PTGFR: variants seen among roughly 807,000 people sequenced by gnomAD.
PTGFR encodes the protein prostaglandin F2-alpha receptor.
In PTGFR, 15 loss-of-function variants were observed where a neutral mutation model predicts 26.2. The ratio of observed to expected loss-of-function variants is 0.57; its 90% confidence interval spans 0.38 to 0.88. The LOEUF is 0.88. Ranked by LOEUF, PTGFR falls within the 40% of genes least tolerant of loss-of-function variation. The probability of loss-of-function intolerance (pLI) is 0.00; values close to 1 mark genes in which losing one functional copy is unlikely to be tolerated. For missense variants in PTGFR, 369 were observed against 427.2 expected, an observed-to-expected ratio of 0.86 and a Z score of 1.20; for synonymous variants, 165 against 151.1, an observed-to-expected ratio of 1.09 and a Z score of -0.68.
chr1:78,530,531 A>G (rs1326588863), intron 2 of PTGFR, among the ~76,000 whole-genome samples: 1 of 152,076 alleles, frequency 6.6e-6, no homozygotes, highest in East Asian at 1.9e-4. Context: ...CTAACACACA[A>G]ATCCTTAGTC....
At chr1:78,520,183 G>A (rs1167247921) in intron 2 of PTGFR, among the ~76,000 whole-genome samples, 1 of 151,964 alleles carries the variant, frequency 6.6e-6, no homozygotes, top group Non-Finnish European at 1.5e-5. Context: ...TCTTTCACTG[G>A]TTAAACAACC....
chr1:78,491,784 G>A lies in PTGFR; in HGVS notation c.-73+548G>A, dbSNP rs143880975. ...GCTGGGCGCAGGAAAGGCTGGCTCC[G>A]GAATTCCCAGCCTCCGGGAAAGCTA... On this transcript the variant is annotated intron_variant, in intron 1 of 2. Transcript: ENST00000370757. Among the ~76,000 whole-genome samples the A allele has an allele frequency of 1.2e-3, 177 of 152,324 alleles. No individual in the cohort carries two copies. The East Asian group carries it at 0.023, about 20-fold the overall frequency.
intron 2 of PTGFR, among the ~76,000 whole-genome samples, chr1:78,512,022 C>G (rs1649983078): frequency 6.6e-6 from 1 of 152,192 alleles, no homozygotes; most frequent in Admixed American, 6.5e-5. Flanking sequence ...ACTCCAATTC[C>G]TAATAACCTC....
At chr1:78,516,864 G>A (rs1231427532) in intron 2 of PTGFR, among the ~76,000 whole-genome samples, 1 of 152,116 alleles carries the variant, frequency 6.6e-6, no homozygotes, top group African/African-American at 2.4e-5. Flanking sequence ...CAGTCATCAG[G>A]CTTTGATTAA....
At chr1:78,525,629 C>T (rs1650352657) in intron 2 of PTGFR, among the ~76,000 whole-genome samples, 1 of 152,028 alleles carries the variant, frequency 6.6e-6, no homozygotes, top group African/African-American at 2.4e-5. Context: ...TGATTGAACT[C>T]AGTCTCTAGA....
chr1:78,534,842 G>C (rs1402499325), intron 2 of PTGFR, among the ~76,000 whole-genome samples: 1 of 152,018 alleles, frequency 6.6e-6, no homozygotes, highest in Non-Finnish European at 1.5e-5. Context: ...TGGATACTTA[G>C]GTGGTCCTGA....
In PTGFR at chr1:78,536,626, A is replaced by G. The variant is rs757866516; in HGVS notation, c.1019A>G (p.Asn340Ser). 1.9e-6 allele frequency: 3 copies of G among 1,613,142 alleles called. No homozygotes were observed. Among genetic ancestry groups the G allele is most frequent in the East Asian group, 4.5e-5 (2 of 44,798 alleles). ...LHIWELSSIK[N>S]SLKVAAISES... ...ATTTGGGAGCTTAGTTCCATTAAAA[A>G]TTCCTTAAAGGTTGCTGCTATTTCT... Residue 340 changes from asparagine to serine, a missense_variant, in exon 3 of 3, where the codon AAT becomes AGT. Physicochemically the swap from Asn to Ser is conservative, Grantham distance 46 (BLOSUM62 1). Transcript: ENST00000370757.
At chr1:78,528,200 T>C (rs1217647812) in intron 2 of PTGFR, among the ~76,000 whole-genome samples, 1 of 148,490 alleles carries the variant, frequency 6.7e-6, no homozygotes, top group African/African-American at 2.5e-5. Flanking sequence ...ATACATTGAC[T>C]TATAACTAAG....
At chr1:78,512,887 C>T (rs772011880) in intron 2 of PTGFR, among the ~76,000 whole-genome samples, 2 of 152,022 alleles carry the variant, frequency 1.3e-5, no homozygotes, top group Non-Finnish European at 2.9e-5. Context: ...AGTGTGGGAC[C>T]TCCCCCTTCT....
Position 78,498,519 on chromosome 1 carries a change from T to C in PTGFR, c.798+4978T>C, listed in dbSNP as rs1649614120. Among the ~76,000 whole-genome samples, 10 of 152,266 alleles carry C rather than the reference T, an allele frequency of 6.6e-5. No individual in the cohort carries two copies. In the South Asian group the frequency reaches 2.1e-3, roughly 32 times the overall value. On this transcript the variant is annotated intron_variant, in intron 2 of 2. Transcript: ENST00000370757. Reference sequence around the variant, plus strand: ...TGCAAATACACACATAAATGTTAAATTATTTCCCAAATTTAAAAAATTAAC... The same window carrying C: ...TGCAAATACACACATAAATGTTAAACTATTTCCCAAATTTAAAAAATTAAC...
At chr1:78,507,118 C>G (rs994587599) in intron 2 of PTGFR, among the ~76,000 whole-genome samples, 14 of 152,142 alleles carry the variant, frequency 9.2e-5, no homozygotes, top group African/African-American at 3.4e-4. Flanking sequence ...GGAGCTTCCC[C>G]TCTCTGGCTC....
At chr1:78,529,197 C>T (rs1214483174) in intron 2 of PTGFR, among the ~76,000 whole-genome samples, 2 of 152,138 alleles carry the variant, frequency 1.3e-5, no homozygotes, top group Admixed American at 1.3e-4. Flanking sequence ...TTTACTGAAA[C>T]GCCTAACTGG....
intron 2 of PTGFR, among the ~76,000 whole-genome samples, chr1:78,501,515 C>T (rs1570273216): frequency 6.6e-6 from 1 of 152,168 alleles, no homozygotes; most frequent in African/African-American, 2.4e-5. Context: ...AGAGTGAATA[C>T]AATTGTGGTT....
chr1:78,515,991 T>C (rs528672853), intron 2 of PTGFR, among the ~76,000 whole-genome samples: 24 of 152,348 alleles, frequency 1.6e-4, no homozygotes, highest in African/African-American at 5.5e-4. Flanking sequence ...TTTTAAAATG[T>C]TATTTCTTGT....
intron 2 of PTGFR, 21 bp downstream of exon 2, chr1:78,493,562 C>T (rs201944481): frequency 6.6e-7 from 1 of 1,511,018 alleles, no homozygotes; most frequent in Non-Finnish European, 8.8e-7. Context: ...GAAGTTTTGA[C>T]TTCTGCTTTC....
chr1:78,518,404 T>C (rs1296557068), intron 2 of PTGFR, among the ~76,000 whole-genome samples: 1 of 152,096 alleles, frequency 6.6e-6, no homozygotes, highest in East Asian at 1.9e-4. Flanking sequence ...GGCTTTGGTT[T>C]TGCACAGCTT....
intron 1 of PTGFR, among the ~76,000 whole-genome samples, chr1:78,492,312 T>C (rs1178593812): frequency 1.3e-5 from 2 of 152,218 alleles, no homozygotes; most frequent in African/African-American, 4.8e-5. Flanking sequence ...TCTTTTTTAA[T>C]AGACTTAGGA....
intron 2 of PTGFR, among the ~76,000 whole-genome samples, chr1:78,500,856 G>A (rs1649686670): frequency 6.6e-6 from 1 of 152,222 alleles, no homozygotes; most frequent in Admixed American, 6.5e-5. Context: ...CCATAAAAGT[G>A]TATGGTGTAA....
chr1:78,492,583 T>G, intron 1 of PTGFR, 89 bp from the exon 2 acceptor site: 1 of 675,128 alleles, frequency 1.5e-6, no homozygotes, highest in Admixed American at 3.1e-5. Flanking sequence ...ATAAAACCCA[T>G]CCCACCACCG....
Sources: allele counts gnomAD v4.1 joint callset (sites outside exome capture counted in the v4.1 genomes callset), GRCh38; gene constraint gnomAD v4.1.1; transcripts MANE v1.5; gene names NCBI Gene and HGNC (gene_info 2026-07-23, HGNC 2026-07-21).